The following HS3ST4 variants were observed in gnomAD, a reference collection of about 807,000 sequenced individuals.
HS3ST4 encodes heparan sulfate glucosamine 3-O-sulfotransferase 4.
HS3ST4 carries 17 observed loss-of-function variants against 29.2 expected under a neutral mutation model. The observed-to-expected ratio is 0.58, with a 90% CI of 0.40 to 0.87. The LOEUF is 0.87. Among genes scored for constraint, HS3ST4 ranks in the 40% least tolerant of loss-of-function variants. The pLI is 0.00. For synonymous variants in HS3ST4, 314 were observed against 285.7 expected (o/e 1.10, Z -1.00); for missense variants, 627 against 634.5 (o/e 0.99, Z 0.13).
intron 1 of HS3ST4, among the ~76,000 whole-genome samples, chr16:26,026,054 G>A (rs9938587): frequency 0.15 from 22,284 of 151,494 alleles, 4,129 homozygotes; most frequent in African/African-American, 0.43. Flanking sequence ...GACTACAGGC[G>A]TGTGCCACCA....
At chr16:26,029,790 G>A (rs769560378) in intron 1 of HS3ST4, among the ~76,000 whole-genome samples, 8 of 152,214 alleles carry the variant, frequency 5.3e-5, no homozygotes, top group Non-Finnish European at 8.8e-5. Flanking sequence ...TGGCCTGAAG[G>A]AGCTGACCCA....
At chr16:26,071,794 C>T (rs1898606606) in intron 1 of HS3ST4, among the ~76,000 whole-genome samples, 1 of 152,112 alleles carries the variant, frequency 6.6e-6, no homozygotes, top group Admixed American at 6.5e-5. Flanking sequence ...AGACTTGTTT[C>T]AATTTTGTAA....
At chr16:25,998,290 A>T (rs971737860) in intron 1 of HS3ST4, among the ~76,000 whole-genome samples, 1 of 152,178 alleles carries the variant, frequency 6.6e-6, no homozygotes, top group Non-Finnish European at 1.5e-5. Context: ...CGAAAAAAAT[A>T]TATAATATTC....
chr16:25,894,193 A>G (rs906300885), intron 1 of HS3ST4, among the ~76,000 whole-genome samples: 1 of 152,092 alleles, frequency 6.6e-6, no homozygotes, highest in Admixed American at 6.5e-5. Flanking sequence ...TTTGAACTTC[A>G]TCAGATTTCC....
At position 26,105,408 on chromosome 16, in the gene HS3ST4, G is replaced by A. The variant is rs577133060; in HGVS notation, c.735-30204G>A. 2.0e-5 allele frequency among the ~76,000 whole-genome samples: 3 copies of A among 152,278 alleles called. No individual in the cohort carries two copies. In the South Asian group the frequency reaches 6.2e-4, roughly 32 times the overall value. On this transcript the variant is annotated intron_variant, in intron 1 of 1. Transcript: ENST00000331351. ...AAATTGAATACTATGCTCATTTCCT[G>A]GGTGATTGGTTTATTCATACTCCAA...
intron 1 of HS3ST4, among the ~76,000 whole-genome samples, chr16:26,066,228 C>T (rs771746927): frequency 6.6e-6 from 1 of 152,192 alleles, no homozygotes. Flanking sequence ...AAGAGTTTTA[C>T]AAACAGTACA....
At chr16:26,054,310 GGAA>G (rs202122640) in intron 1 of HS3ST4, among the ~76,000 whole-genome samples, 2,232 of 148,134 alleles carry the variant, frequency 0.015, 25 homozygotes, top group African/African-American at 0.04. Flanking sequence ...AGGAGGAGGA[GGAA>G]GAAGAAGAAG....
chr16:25,787,997 A>G (rs1966860121), intron 1 of HS3ST4, among the ~76,000 whole-genome samples: 1 of 152,194 alleles, frequency 6.6e-6, no homozygotes, highest in Non-Finnish European at 1.5e-5. Flanking sequence ...GGACATTTGA[A>G]CAGTCAGGGC....
chr16:25,782,639 TTAGTTA>T (rs1329772772), intron 1 of HS3ST4, among the ~76,000 whole-genome samples: 2 of 152,158 alleles, frequency 1.3e-5, no homozygotes, highest in Non-Finnish European at 2.9e-5. Context: ...CAGTTCTAGA[TTAGTTA>T]AAGTCAGATG....
intron 1 of HS3ST4, among the ~76,000 whole-genome samples, chr16:25,901,290 A>G (rs1207588147): frequency 6.6e-6 from 1 of 152,164 alleles, no homozygotes; most frequent in Non-Finnish European, 1.5e-5. Flanking sequence ...ATCTGCAGAA[A>G]CTTAACCAGT....
chr16:26,119,520 G>T (rs1053279028), intron 1 of HS3ST4, among the ~76,000 whole-genome samples: 4 of 152,166 alleles, frequency 2.6e-5, no homozygotes, highest in African/African-American at 4.8e-5. Flanking sequence ...GGATGGTGAT[G>T]CCCTCTCCTG....
intron 1 of HS3ST4, among the ~76,000 whole-genome samples, chr16:26,082,793 C>G (rs566433277): frequency 6.6e-6 from 1 of 152,310 alleles, no homozygotes; most frequent in East Asian, 1.9e-4. Flanking sequence ...TTCCAGGTGC[C>G]AACTTCATGG....
chr16:25,940,523 G>A (rs116412663), intron 1 of HS3ST4, among the ~76,000 whole-genome samples: 175 of 152,342 alleles, frequency 1.1e-3, no homozygotes, highest in African/African-American at 4.1e-3. Context: ...GAACCAGAAT[G>A]TTGGAGTTCG....
intron 1 of HS3ST4, among the ~76,000 whole-genome samples, chr16:26,030,045 A>G (rs1486385689): frequency 6.6e-6 from 1 of 152,232 alleles, no homozygotes; most frequent in Non-Finnish European, 1.5e-5. Flanking sequence ...AGTGCACCGC[A>G]TGGCAGCATG....
intron 1 of HS3ST4, among the ~76,000 whole-genome samples, chr16:25,796,764 T>G (rs540038380): frequency 6.6e-6 from 1 of 152,304 alleles, no homozygotes; most frequent in South Asian, 2.1e-4. Flanking sequence ...TAGCAGTGTA[T>G]GTATGGTTTG....
At chr16:25,798,533 C>T (rs750330969) in intron 1 of HS3ST4, among the ~76,000 whole-genome samples, 1 of 152,110 alleles carries the variant, frequency 6.6e-6, no homozygotes, top group Non-Finnish European at 1.5e-5. Flanking sequence ...TGTGTACTTG[C>T]AAGTTTCATT....
chr16:26,084,725 C>T (rs1898764859), intron 1 of HS3ST4, among the ~76,000 whole-genome samples: 1 of 152,130 alleles, frequency 6.6e-6, no homozygotes, highest in Non-Finnish European at 1.5e-5. Context: ...GCTAGGACTA[C>T]AGGCTCACAC....
chr16:25,916,847 T>C (rs1209230522), intron 1 of HS3ST4, among the ~76,000 whole-genome samples: 3 of 151,296 alleles, frequency 2.0e-5, no homozygotes, highest in Non-Finnish European at 4.4e-5. Context: ...GCCCGGCTGA[T>C]TTTTTGTATT....
At chr16:26,100,575 G>C (rs955188483) in intron 1 of HS3ST4, among the ~76,000 whole-genome samples, 8 of 152,108 alleles carry the variant, frequency 5.3e-5, no homozygotes, top group African/African-American at 1.9e-4. Context: ...TGGTGTGTTT[G>C]AGTCACTCAT....
Sources: gnomAD v4.1 joint callset for allele counts (sites outside exome capture counted in the v4.1 genomes callset) on GRCh38, gnomAD v4.1.1 for gene constraint, MANE v1.5 for transcripts, NCBI Gene and HGNC (gene_info 2026-07-23, HGNC 2026-07-21) for gene names.